The following TFAP2D variants were observed in gnomAD, a reference collection of about 807,000 sequenced individuals.
The protein encoded by TFAP2D is transcription factor AP-2 delta.
TFAP2D carries 9 observed loss-of-function variants against 43.6 expected under a neutral mutation model. That is an observed-to-expected ratio of 0.21 (90% CI 0.12 to 0.36). The LOEUF (loss-of-function observed/expected upper bound fraction) is 0.36, where lower values mean the gene tolerates loss of function less well. Ranked by LOEUF, TFAP2D falls within the 10% of genes least tolerant of loss-of-function variation. TFAP2D has a pLI of 1.00. For synonymous variants in TFAP2D, 256 were observed against 224.9 expected, an observed-to-expected ratio of 1.14 and a Z score of -1.24; for missense variants, 513 against 561.4, an observed-to-expected ratio of 0.91 and a Z score of 0.87.
At chr6:50,762,105 G>A (rs1769370811) in intron 7 of TFAP2D, among the ~76,000 whole-genome samples, 1 of 152,014 alleles carries the variant, frequency 6.6e-6, no homozygotes, top group Non-Finnish European at 1.5e-5. Flanking sequence ...AAAGAAGAAA[G>A]GATTAAAGTG....
intron 3 of TFAP2D, among the ~76,000 whole-genome samples, chr6:50,719,753 G>A (rs948558142): frequency 1.3e-5 from 2 of 152,160 alleles, no homozygotes; most frequent in African/African-American, 2.4e-5. Context: ...AAGGTGGGAG[G>A]AGGAGGTGGT....
chr6:50,742,788 C>A (rs1389453520), intron 5 of TFAP2D, among the ~76,000 whole-genome samples: 1 of 152,028 alleles, frequency 6.6e-6, no homozygotes, highest in Non-Finnish European at 1.5e-5. Flanking sequence ...ACTTTTGAAG[C>A]CTAAGGTCCA....
Position 50,729,174 on chromosome 6 carries a change from T to G in TFAP2D, c.765-20T>G. On this transcript the variant is annotated intron_variant, in intron 4 of 7. Transcript: ENST00000008391. ...AGAATGTGAAATTTCAAAACCTAGT[T>G]TTTGTTTGTTTTTGTACAGAGCAAA... 3.1e-6 allele frequency: 5 copies of G among 1,609,316 alleles called. No homozygotes were observed. Among genetic ancestry groups the G allele is most frequent in the Non-Finnish European group, 4.2e-6 (5 of 1,178,260 alleles).
intron 5 of TFAP2D, among the ~76,000 whole-genome samples, chr6:50,738,447 G>C (rs1182956837): frequency 6.6e-6 from 1 of 151,842 alleles, no homozygotes; most frequent in Non-Finnish European, 1.5e-5. Flanking sequence ...TTGCAACACT[G>C]TACAAGGCCT....
rs1200450013 is a variant in TFAP2D at position 50,719,113 on chromosome 6, G to A, written c.561G>A (p.Gly187=). ...AGGGCTCTGTGGAGGCCCAGTGTGG[G>A]CTTGTTCTCAATGGCCAAGGTGGAG... ...DLQGSVEAQC[G]LVLNGQGGVI... is the part of the protein sequence containing the mutation. Residue 187 remains glycine (G), a synonymous_variant, in exon 3 of 8, where the codon GGG becomes GGA. Coordinates refer to ENST00000008391, the MANE Select transcript of TFAP2D (RefSeq NM_172238.4). 1 of 1,613,994 alleles carries A rather than the reference G, an allele frequency of 6.2e-7. No homozygotes were observed. Among genetic ancestry groups the A allele is most frequent in the South Asian group, 1.1e-5 (1 of 91,056 alleles).
intron 5 of TFAP2D, among the ~76,000 whole-genome samples, chr6:50,735,575 T>C (rs529456741): frequency 6.6e-6 from 1 of 152,310 alleles, no homozygotes; most frequent in African/African-American, 2.4e-5. Flanking sequence ...CTGGAATAAT[T>C]ATCAATAGTA....
At chr6:50,763,979 C>T (rs1404942561) in intron 7 of TFAP2D, among the ~76,000 whole-genome samples, 1 of 152,082 alleles carries the variant, frequency 6.6e-6, no homozygotes, top group Admixed American at 6.6e-5. Flanking sequence ...TTACTATATG[C>T]AAATTCAATC....
At chr6:50,757,799 TATATAA>T in intron 7 of TFAP2D, among the ~76,000 whole-genome samples, 1 of 105,176 alleles carries the variant, frequency 9.5e-6, no homozygotes, top group Non-Finnish European at 2.0e-5. Flanking sequence ...ATATAGAATA[TATATAA>T]TTATATATAT....
chr6:50,755,439 A>AAC (rs540079730), intron 7 of TFAP2D, among the ~76,000 whole-genome samples: 4,317 of 151,752 alleles, frequency 0.028, 85 homozygotes, highest in Middle Eastern at 0.045. Context: ...TAAAAAAAAA[A>AAC]AAAAAACTCA....
At chr6:50,763,570 T>C (rs1439851247) in intron 7 of TFAP2D, among the ~76,000 whole-genome samples, 3 of 152,186 alleles carry the variant, frequency 2.0e-5, no homozygotes, top group African/African-American at 7.2e-5. Context: ...CCATGCAGCA[T>C]TTCAGTGATT....
intron 5 of TFAP2D, among the ~76,000 whole-genome samples, chr6:50,735,416 A>G (rs1287448131): frequency 1.3e-5 from 2 of 152,124 alleles, no homozygotes; most frequent in Admixed American, 1.3e-4. Context: ...CCCTCCTGCT[A>G]GGAACCCTGA....
chr6:50,763,593 T>A (rs1472953019), intron 7 of TFAP2D, among the ~76,000 whole-genome samples: 1 of 152,184 alleles, frequency 6.6e-6, no homozygotes, highest in Non-Finnish European at 1.5e-5. Context: ...TTCTACTTTT[T>A]AAATACTAAC....
In TFAP2D at chr6:50,714,015, G is replaced by T. The variant is rs755404513; in HGVS notation, c.-41G>T. 5 of 1,606,372 alleles carry T rather than the reference G, an allele frequency of 3.1e-6. No homozygotes were observed. The African/African-American group carries it at 6.8e-5, about 22-fold the overall frequency. ...ATTTTTTTTTCCCGATTCTTTTTTT[G>T]GAGGGGGAAATTGCATCGTAAGCTT... On this transcript the variant is annotated 5_prime_UTR_variant, in exon 1 of 8. Transcript: ENST00000008391.
At position 50,715,497 on chromosome 6, in the gene TFAP2D, C is replaced by G. The variant is rs1030960057; in HGVS notation, c.421C>G (p.Arg141Gly). ...GGAGCTGGGCTGCCTCGATGCCTAC[C>G]GCCGCCATGACCTGTCCCTCATGAG... ...RRELGCLDAY[R>G]RHDLSLMSHG... Residue 141 changes from arginine to glycine, a missense_variant, in exon 2 of 8, where the codon CGC becomes GGC. Coordinates refer to ENST00000008391, the MANE Select transcript of TFAP2D (RefSeq NM_172238.4). 2.5e-6 allele frequency: 4 copies of G among 1,613,606 alleles called. No individual in the cohort carries two copies. The highest frequency in any genetic ancestry group is 3.4e-6 in the Non-Finnish European group (4 of 1,180,038).
chr6:50,741,767 G>GAA (rs112907842), intron 5 of TFAP2D, among the ~76,000 whole-genome samples: 4 of 132,700 alleles, frequency 3.0e-5, no homozygotes, highest in Admixed American at 7.7e-5. Context: ...AAGTAGCTCT[G>GAA]AAAAAAAAAA....
chr6:50,752,711 A>G (rs992769471), intron 7 of TFAP2D, among the ~76,000 whole-genome samples: 4 of 151,916 alleles, frequency 2.6e-5, no homozygotes, highest in Non-Finnish European at 5.9e-5. Context: ...TGTAGGATAT[A>G]TTTCACAGGA....
At chr6:50,717,055 A>G (rs1768639178) in intron 2 of TFAP2D, among the ~76,000 whole-genome samples, 1 of 152,208 alleles carries the variant, frequency 6.6e-6, no homozygotes, top group African/African-American at 2.4e-5. Context: ...GGATCCCCTT[A>G]TGTCTCAAGA....
Sources: allele counts gnomAD v4.1 joint callset (sites outside exome capture counted in the v4.1 genomes callset), GRCh38; gene constraint gnomAD v4.1.1; transcripts MANE v1.5; gene names NCBI Gene and HGNC (gene_info 2026-07-23, HGNC 2026-07-21).